NOX3: variants seen among roughly 807,000 people sequenced by gnomAD.
NOX3 encodes the protein NADPH oxidase catalytic subunit-like 3.
In NOX3, 74 loss-of-function variants were observed where a neutral mutation model predicts 76.7. The observed-to-expected ratio is 0.96, with a 90% CI of 0.80 to 1.17. The LOEUF (loss-of-function observed/expected upper bound fraction) is 1.17, where lower values mean the gene tolerates loss of function less well. Among genes scored for constraint, NOX3 ranks in the 50% most tolerant of loss-of-function variants. NOX3 has a pLI of 0.00. For synonymous variants in NOX3, 263 were observed against 261.1 expected (o/e 1.01, Z -0.07); for missense variants, 695 against 703.3 (o/e 0.99, Z 0.13).
chr6:155,448,722 A>G (rs1016143815), intron 4 of NOX3, among the ~76,000 whole-genome samples: 1 of 150,576 alleles, frequency 6.6e-6, no homozygotes, highest in Admixed American at 6.6e-5. Flanking sequence ...TCCTTCTTTC[A>G]TTTTATTTTT....
At chr6:155,420,697 T>C (rs1776678360) in intron 10 of NOX3, among the ~76,000 whole-genome samples, 1 of 152,194 alleles carries the variant, frequency 6.6e-6, no homozygotes, top group African/African-American at 2.4e-5. Flanking sequence ...CTTAGTTTTC[T>C]CATCTGTAAA....
intron 12 of NOX3, among the ~76,000 whole-genome samples, chr6:155,400,749 C>G (rs954703900): frequency 6.6e-6 from 1 of 151,778 alleles, no homozygotes. Context: ...GCAGATGTCC[C>G]TAACCAGGCT....
intron 4 of NOX3, among the ~76,000 whole-genome samples, chr6:155,446,117 T>G (rs1193007693): frequency 2.0e-5 from 3 of 151,518 alleles, no homozygotes; most frequent in African/African-American, 7.3e-5. Flanking sequence ...ATCGTGATGT[T>G]TACTGCTTCC....
At chr6:155,442,816 A>G (rs1026100908) in intron 5 of NOX3, among the ~76,000 whole-genome samples, 11 of 152,228 alleles carry the variant, frequency 7.2e-5, no homozygotes, top group Middle Eastern at 3.2e-3. Context: ...AGCTATTCAC[A>G]TATGTGCCAA....
In NOX3 at chr6:155,428,942, G is replaced by A. The variant is rs1303135949; in HGVS notation, c.997C>T (p.Leu333=). The change falls in exon 9 of 14, where the codon CTG becomes TTG. Residue 333 remains leucine, a synonymous_variant. Coordinates refer to ENST00000159060, the MANE Select transcript of NOX3 (RefSeq NM_015718.3). ...ILVQCPAISS[L]EWHPFTLTSA... ...GTAAGGGTGAAGGGGTGCCACTCCA[G>A]CGAAGATATGGCTGGGCACTGCACC... The A allele has an allele frequency of 1.2e-6, 2 of 1,614,078 alleles. No individual in the cohort carries two copies. Among genetic ancestry groups the A allele is most frequent in the East Asian group, 4.5e-5 (2 of 44,868 alleles).
In NOX3 at chr6:155,440,147, A is replaced by T; in HGVS notation, c.487-10T>A. On this transcript the variant is annotated splice_polypyrimidine_tract_variant and intron_variant, in intron 5 of 13. Transcript: ENST00000159060. ...ATTCAGTGGTTGTGTTCTAAAAAAA[A>T]CAACAACAACAAAAAAAGAAACAAA... The T allele has an allele frequency of 5.8e-6, 9 of 1,543,628 alleles. No homozygotes were observed. The highest frequency in any genetic ancestry group is 7.8e-6 in the Non-Finnish European group (9 of 1,148,384).
intron 1 of NOX3, among the ~76,000 whole-genome samples, chr6:155,455,388 A>G (rs1777201362): frequency 6.6e-6 from 1 of 152,242 alleles, no homozygotes; most frequent in African/African-American, 2.4e-5. Context: ...TTCTTAATCA[A>G]CGTTGCTTGA....
intron 4 of NOX3, among the ~76,000 whole-genome samples, chr6:155,451,135 T>C (rs1054429056): frequency 2.0e-5 from 3 of 152,006 alleles, no homozygotes; most frequent in African/African-American, 7.2e-5. Flanking sequence ...TGAACCACCA[T>C]ACCTGGCTAA....
intron 5 of NOX3, among the ~76,000 whole-genome samples, chr6:155,440,485 A>T (rs185793577): frequency 0.14 from 20,719 of 150,416 alleles, 1,490 homozygotes; most frequent in South Asian, 0.15. Context: ...AAATAAATTA[A>T]AAAAAAAAAG....
rs530780229 is a variant in NOX3 at position 155,438,779 on chromosome 6, G to A, written c.668+1177C>T. ...CTTCCAGGTCCGCGCAGAGTCGGAGGCCACCTCCGGGACAGGACCCTCCAT... is the reference window on the plus strand; with the variant it reads ...CTTCCAGGTCCGCGCAGAGTCGGAGACCACCTCCGGGACAGGACCCTCCAT... On this transcript the variant is annotated intron_variant, in intron 6 of 13. Coordinates refer to ENST00000159060, the MANE Select transcript of NOX3 (RefSeq NM_015718.3). Among the ~76,000 whole-genome samples the A allele has an allele frequency of 2.6e-5, 4 of 152,358 alleles. No homozygotes were observed. The East Asian group carries it at 7.7e-4, about 29-fold the overall frequency.
At chr6:155,401,220 C>A (rs949017820) in intron 12 of NOX3, among the ~76,000 whole-genome samples, 1 of 152,138 alleles carries the variant, frequency 6.6e-6, no homozygotes, top group Non-Finnish European at 1.5e-5. Context: ...GTAATTTCAG[C>A]AATTTTTATT....
At chr6:155,407,013 T>G in intron 12 of NOX3, 117 bp downstream of exon 12, 1 of 1,111,942 alleles carries the variant, frequency 9.0e-7, no homozygotes. Context: ...TTTTCTAAGG[T>G]AGATGTTTTG....
chr6:155,412,089 C>T (rs1330466814), intron 10 of NOX3, among the ~76,000 whole-genome samples: 1 of 152,126 alleles, frequency 6.6e-6, no homozygotes, highest in Non-Finnish European at 1.5e-5. Flanking sequence ...CTAGAAGAAA[C>T]CACAGGAGAT....
At chr6:155,432,286 C>T (rs1776844606) in intron 7 of NOX3, among the ~76,000 whole-genome samples, 1 of 151,782 alleles carries the variant, frequency 6.6e-6, no homozygotes, top group Admixed American at 6.6e-5. Context: ...GTCTGAGTTG[C>T]CTGGAGAGTC....
At chr6:155,424,085 T>C (rs978480973) in intron 9 of NOX3, among the ~76,000 whole-genome samples, 3 of 152,190 alleles carry the variant, frequency 2.0e-5, no homozygotes, top group African/African-American at 7.2e-5. Context: ...TTAATAGTTA[T>C]TTCTCTGGTA....
chr6:155,413,957 A>G (rs1044624046), intron 10 of NOX3, among the ~76,000 whole-genome samples: 4 of 152,196 alleles, frequency 2.6e-5, no homozygotes, highest in Admixed American at 2.6e-4. Flanking sequence ...TCCTCCGTAC[A>G]TGAAACTTTA....
Position 155,443,335 on chromosome 6 carries a change from G to A in NOX3, c.424C>T (p.Leu142Phe), listed in dbSNP as rs763445604. ...SEEAQGLLAA[L>F]SKLGNTPNES... ...TTAGGGGTGTTGCCCAGCTTGGAAA[G>A]TGCGGCCAGAAGTCCCTGGGCCTCC... Residue 142 changes from leucine (L) to phenylalanine (F), a missense_variant, in exon 5 of 14, where the codon CTT becomes TTT. Physicochemically the swap from Leu to Phe is conservative, Grantham distance 22 (BLOSUM62 0). Coordinates refer to ENST00000159060, the MANE Select transcript of NOX3 (RefSeq NM_015718.3). The A allele has an allele frequency of 3.9e-5, 63 of 1,614,144 alleles. No individual in the cohort carries two copies. The highest frequency in any genetic ancestry group is 4.5e-5 in the Non-Finnish European group (53 of 1,180,016).
intron 6 of NOX3, among the ~76,000 whole-genome samples, chr6:155,438,768 CAG>C (rs1776942901): frequency 6.6e-6 from 1 of 152,222 alleles, no homozygotes; most frequent in Non-Finnish European, 1.5e-5. Flanking sequence ...CAGGTCCGCG[CAG>C]AGTCGGAGGC....
intron 4 of NOX3, among the ~76,000 whole-genome samples, chr6:155,446,366 C>G (rs1336344892): frequency 6.6e-6 from 1 of 152,084 alleles, no homozygotes; most frequent in Non-Finnish European, 1.5e-5. Flanking sequence ...TGATAATTAT[C>G]TCGACGTCTT....
Sources: allele counts gnomAD v4.1 joint callset (sites outside exome capture counted in the v4.1 genomes callset), GRCh38; gene constraint gnomAD v4.1.1; transcripts MANE v1.5; gene names NCBI Gene and HGNC (gene_info 2026-07-23, HGNC 2026-07-21).